TTN: variants seen among roughly 807,000 people sequenced by gnomAD.
TTN encodes the protein titin.
In TTN, 1,525 loss-of-function variants were observed where a neutral mutation model predicts 3,223.0. The observed-to-expected ratio is 0.47, with a 90% confidence interval of 0.45 to 0.49. TTN has a LOEUF of 0.49. Ranked by LOEUF, TTN falls within the 20% of genes least tolerant of loss-of-function variation. The pLI is 0.00. For synonymous variants in TTN, 14,094 were observed against 15,161.0 expected (o/e 0.93, Z 5.17); for missense variants, 40,786 against 43,424.0 (o/e 0.94, Z 5.40).
Position 178,672,441 on chromosome 2 carries a change from A to G in TTN, c.34896T>C (p.Leu11632=), listed in dbSNP as rs2067172314. 6.3e-7 allele frequency: 1 copy of G among 1,597,804 alleles called. No homozygotes were observed. Among genetic ancestry groups the G allele is most frequent in the Non-Finnish European group, 8.5e-7 (1 of 1,175,670 alleles). ...VPKKVPEKKV[L]VPKKEAVPPA... ...GGGGAACAGCTTCCTTTTTAGGCAC[A>G]AGGACTTTCTTTTCTGGGACTTTCT... The change falls in exon 154 of 363, where the codon CTT becomes CTC. Residue 11632 remains leucine, a synonymous_variant. Coordinates refer to ENST00000589042, the MANE Select transcript of TTN (RefSeq NM_001267550.2).
At chr2:178,733,947 C>A (rs2080992040) in intron 52 of TTN, 55 bp from the exon 53 acceptor site, 2 of 1,475,590 alleles carry the variant, frequency 1.4e-6, no homozygotes, top group African/African-American at 1.4e-5. Context: ...ACTTTCAACA[C>A]CATCTATATT....
intron 210 of TTN, 52 bp from the exon 211 acceptor site, chr2:178,649,946 A>C: frequency 6.5e-7 from 1 of 1,550,376 alleles, no homozygotes; most frequent in Non-Finnish European, 8.8e-7. Flanking sequence ...TGAAAAATTT[A>C]ATGCTAATGA....
chr2:178,577,840 CCAA>C lies in TTN; in HGVS notation c.68583_68585del (p.Ile22861_Trp22862delinsMet). Reference sequence around the variant, plus strand: ...GACCACCGTCATATTTAGGTTCAGTCCAAATGAGAGTCACTGAATTCCTTGTTA... The same window carrying C: ...GACCACCGTCATATTTAGGTTCAGTCATGAGAGTCACTGAATTCCTTGTTA... On this transcript the variant is annotated inframe_deletion, in exon 323 of 363. Transcript: ENST00000589042. 1 of 1,604,704 alleles carries C rather than the reference CCAA, an allele frequency of 6.2e-7. No individual in the cohort carries two copies. The highest frequency in any genetic ancestry group is 8.5e-7 in the Non-Finnish European group (1 of 1,174,906).
At chr2:178,758,764 A>AG (rs1183977602) in intron 44 of TTN, 5 of 581,596 alleles carry the variant, frequency 8.6e-6, no homozygotes, top group Non-Finnish European at 1.5e-5. Context: ...ATTGTTACAG[A>AG]GAAAAAGCGG....
Position 178,545,886 on chromosome 2 carries a change from C to T in TTN, c.95350G>A (p.Ala31784Thr). ...KNNEYIFRVR[A>T]VNKYGPGVPV... ...ACACCAGGGCCATATTTGTTTACTGCCCTCACTCGGAATATGTACTCATTG... is the reference window on the plus strand; with the variant it reads ...ACACCAGGGCCATATTTGTTTACTGTCCTCACTCGGAATATGTACTCATTG... Residue 31784 changes from alanine (A) to threonine (T), a missense_variant, in exon 343 of 363, where the codon GCA becomes ACA. Coordinates refer to ENST00000589042, the MANE Select transcript of TTN (RefSeq NM_001267550.2). 6.2e-7 allele frequency: 1 copy of T among 1,613,878 alleles called. No individual in the cohort carries two copies. The highest frequency in any genetic ancestry group is 8.5e-7 in the Non-Finnish European group (1 of 1,179,788).
At chr2:178,754,133 GA>G (rs1405596112) in intron 46 of TTN, 1 of 152,112 alleles carries the variant, frequency 6.6e-6, no homozygotes, top group Non-Finnish European at 1.5e-5. Flanking sequence ...TGTTAGTCAT[GA>G]AACTTATATA....
At chr2:178,647,962 T>A (rs184252262) in intron 213 of TTN, among the ~76,000 whole-genome samples, 130 of 152,248 alleles carry the variant, frequency 8.5e-4, no homozygotes, top group Admixed American at 1.6e-3. Context: ...ATTTCCCTAA[T>A]GGTTTTGATA....
intron 88 of TTN, among the ~76,000 whole-genome samples, 193 bp from the exon 89 acceptor site, chr2:178,715,967 C>T (rs2077422116): frequency 6.6e-6 from 1 of 152,088 alleles, no homozygotes; most frequent in Non-Finnish European, 1.5e-5. Context: ...TTTTTGTAAG[C>T]ATCCACATCA....
Position 178,758,850 on chromosome 2 carries a change from G to T in TTN, c.10303+134C>A, listed in dbSNP as rs2291309. 0.11 allele frequency: 100,379 copies of T among 925,824 alleles called. 8,861 individuals are homozygous for T. Among genetic ancestry groups the T allele is most frequent in the Admixed American group, 0.36 (18,680 of 51,316 alleles). 57.4% of individuals were successfully genotyped at this position (925,824 alleles called of 1,614,324 possible). Reference sequence around the variant, plus strand: ...AGAGGCGAGACCATGGCATATAACAGGGAAATAATTAGTTGAATTAGAAGA... The same window carrying T: ...AGAGGCGAGACCATGGCATATAACATGGAAATAATTAGTTGAATTAGAAGA... On this transcript the variant is annotated intron_variant, in intron 44 of 362. Transcript: ENST00000589042.
chr2:178,683,126 A>G (rs2069885500), intron 134 of TTN, 85 bp downstream of exon 134: 6 of 1,027,250 alleles, frequency 5.8e-6, no homozygotes, highest in Non-Finnish European at 9.0e-6. Flanking sequence ...ATAAGCTAAT[A>G]AAGTATAGGA....
chr2:178,747,135 C>CT (rs748188800), intron 47 of TTN: 1 of 1,606,478 alleles, frequency 6.2e-7, no homozygotes, highest in African/African-American at 1.4e-5. Flanking sequence ...AGAGTCTCTC[C>CT]TGGGGGTGTG....
rs763404962 is a variant in TTN, at chr2:178,587,598, G to T, written c.63711C>A (p.Thr21237=). The T allele has an allele frequency of 2.5e-6, 4 of 1,612,444 alleles. No homozygotes were observed. In the Admixed American group the frequency reaches 6.7e-5, roughly 27 times the overall value. Residue 21237 remains threonine (T), a synonymous_variant, in exon 306 of 363, where the codon ACC becomes ACA. Coordinates refer to ENST00000589042, the MANE Select transcript of TTN (RefSeq NM_001267550.2). The stretch of plus-strand genomic sequence containing the variant: ...AGGAATATTTTCCTGAGTCATCACG[G>T]GTAGAATTGGGGATGACAAGGAAGG... ...TMAFLVIPNS[T]RDDSGKYSLT...
Position 178,552,052 on chromosome 2 carries a change from G to T in TTN, c.90848C>A (p.Thr30283Asn), listed in dbSNP as rs1385680700. ...KMVCSSVART[T>N]FKVPNLVKDA... ...TTTGACTAGATTAGGAACTTTGAAA[G>T]TCGTTCTGGCAACACTTGAACACAC... The change falls in exon 335 of 363, where the codon ACT (threonine) becomes AAT (asparagine). Residue 30283 changes from threonine to asparagine, a missense_variant. By Grantham distance (65) the Thr-to-Asn change is moderately conservative. Coordinates refer to ENST00000589042, the MANE Select transcript of TTN (RefSeq NM_001267550.2). 6.2e-7 allele frequency: 1 copy of T among 1,613,712 alleles called. No individual in the cohort carries two copies. The highest frequency in any genetic ancestry group is 8.5e-7 in the Non-Finnish European group (1 of 1,179,744).
In TTN at chr2:178,704,590, T is replaced by C. The variant is rs778649000; in HGVS notation, c.29882A>G (p.Lys9961Arg). ...IDGDRHTLRV[K>R]NCQLKDQGNY... ...GCCCTGGTCTTTAAGTTGACAGTTT[T>C]TGACTCTGAGTGTATGTCGGTCACC... Residue 9961 changes from lysine (K) to arginine (R), a missense_variant, in exon 105 of 363, where the codon AAA becomes AGA. Lys to Arg is a conservative substitution (Grantham distance 26). Coordinates refer to ENST00000589042, the MANE Select transcript of TTN (RefSeq NM_001267550.2). The C allele has an allele frequency of 5.0e-6, 8 of 1,613,422 alleles. No homozygotes were observed. In the South Asian group the frequency reaches 8.8e-5, roughly 18 times the overall value.
At position 178,558,013 on chromosome 2, in the gene TTN, C is replaced by T. The variant is rs1253866874; in HGVS notation, c.87341G>A (p.Arg29114Lys). Reference sequence around the variant, plus strand: ...GGAGTTGGCAGCAGTGATTTCATATCTCCCAGCGTCAGCTGTAACACTTTC... The same window carrying T: ...GGAGTTGGCAGCAGTGATTTCATATTTCCCAGCGTCAGCTGTAACACTTTC... ...LKESVTADAGRYEITAANSSG... is the reference protein window; with the variant it reads ...LKESVTADAGKYEITAANSSG... The change falls in exon 328 of 363, where the codon AGA becomes AAA. Residue 29114 changes from arginine (R) to lysine (K), a missense_variant. Physicochemically the swap from Arg to Lys is conservative, Grantham distance 26 (BLOSUM62 2). Coordinates refer to ENST00000589042, the MANE Select transcript of TTN (RefSeq NM_001267550.2). 1.1e-5 allele frequency: 18 copies of T among 1,613,664 alleles called. No homozygotes were observed. The highest frequency in any genetic ancestry group is 1.4e-5 in the Non-Finnish European group (16 of 1,179,838).
Position 178,740,681 on chromosome 2 carries a change from G to T in TTN, c.12552C>A (p.Ile4184=). 1.2e-6 allele frequency: 2 copies of T among 1,613,860 alleles called. No homozygotes were observed. Among genetic ancestry groups the T allele is most frequent in the Non-Finnish European group, 1.7e-6 (2 of 1,179,800 alleles). The change falls in exon 48 of 363, where the codon ATC becomes ATA. Residue 4184 remains isoleucine, a synonymous_variant. Transcript: ENST00000589042. The part of the protein sequence containing the change: ...TQAVLSDTEK[I]FPSAMSIEQI... ...GTTCTATGGACATGGCACTTGGGAAGATTTTCTCGGTATCTGATAGAACTG... is the reference window on the plus strand; with the variant it reads ...GTTCTATGGACATGGCACTTGGGAATATTTTCTCGGTATCTGATAGAACTG...
intron 43 of TTN, among the ~76,000 whole-genome samples, chr2:178,762,813 C>G (rs2089550953): frequency 6.6e-6 from 1 of 152,192 alleles, no homozygotes; most frequent in Non-Finnish European, 1.5e-5. Flanking sequence ...TAATTCCTCT[C>G]TATGGCTATA....
rs759108676 is a variant in TTN, at chr2:178,715,633, C to T, written c.25781G>A (p.Ser8594Asn). Residue 8594 changes from serine (S) to asparagine (N), a missense_variant, in exon 89 of 363, where the codon AGT (serine) becomes AAT (asparagine). Transcript: ENST00000589042. ...GTCAACGAATGACATTCTGAATTTACTGCTCTCTTGAATTTCAGTCTCGTC... is the reference window on the plus strand; with the variant it reads ...GTCAACGAATGACATTCTGAATTTATTGCTCTCTTGAATTTCAGTCTCGTC... ...YKDETEIQES[S>N]KFRMSFVDSV... is the part of the protein sequence containing the mutation. The T allele has an allele frequency of 6.2e-7, 1 of 1,613,572 alleles. No individual in the cohort carries two copies. Among genetic ancestry groups the T allele is most frequent in the Non-Finnish European group, 8.5e-7 (1 of 1,179,642 alleles).
At position 178,632,808 on chromosome 2, in the gene TTN, A is replaced by G. The variant is rs760520019; in HGVS notation, c.43214-16T>C. 1.9e-5 allele frequency: 30 copies of G among 1,612,734 alleles called. No homozygotes were observed. Among genetic ancestry groups the G allele is most frequent in the African/African-American group, 2.7e-5 (2 of 74,848 alleles). ...AGAGGCAATTCTGAAAGAAGTGGACAGTGGATGAAGTCAGAATACGTTTCC... is the reference window on the plus strand; with the variant it reads ...AGAGGCAATTCTGAAAGAAGTGGACGGTGGATGAAGTCAGAATACGTTTCC... On this transcript the variant is annotated splice_polypyrimidine_tract_variant and intron_variant, in intron 234 of 362. Transcript: ENST00000589042.
Sources: allele counts gnomAD v4.1 joint callset (sites outside exome capture counted in the v4.1 genomes callset), GRCh38; gene constraint gnomAD v4.1.1; transcripts MANE v1.5; gene names NCBI Gene and HGNC (gene_info 2026-07-23, HGNC 2026-07-21).